The following ADK variants were observed in gnomAD, a reference collection of about 807,000 sequenced individuals.
ADK encodes the protein adenosine kinase.
ADK carries 24 observed loss-of-function variants against 44.7 expected under a neutral mutation model. The observed-to-expected ratio is 0.54, with a 90% CI of 0.39 to 0.76. The LOEUF (loss-of-function observed/expected upper bound fraction) is 0.76. Among genes scored for constraint, ADK ranks in the 30% least tolerant of loss-of-function variants. The probability of loss-of-function intolerance (pLI) is 0.00; values close to 1 mark genes in which losing one functional copy is unlikely to be tolerated. For missense variants in ADK, 321 were observed against 425.1 expected (o/e 0.76, Z 2.15); for synonymous variants, 128 against 142.6 (o/e 0.90, Z 0.73).
intron 6 of ADK, among the ~76,000 whole-genome samples, chr10:74,426,312 T>C (rs962099955): frequency 6.6e-6 from 1 of 152,164 alleles, no homozygotes; most frequent in Non-Finnish European, 1.5e-5. Context: ...TTTGTGAAGG[T>C]TATTCATGCA....
intron 3 of ADK, among the ~76,000 whole-genome samples, chr10:74,273,174 AG>A (rs200388593): frequency 0.035 from 5,037 of 142,122 alleles, 270 homozygotes; most frequent in African/African-American, 0.12. Context: ...GAGGACAGCC[AG>A]AAAAAAAAAA....
chr10:74,242,052 C>T (rs898293471), intron 3 of ADK, among the ~76,000 whole-genome samples: 1 of 152,256 alleles, frequency 6.6e-6, no homozygotes, highest in Non-Finnish European at 1.5e-5. Context: ...GTTTCTGTTG[C>T]TTTAAAGCCT....
rs538053019 is a variant in ADK at position 74,347,468 on chromosome 10, G to A, written c.273+32723G>A. Among the ~76,000 whole-genome samples the A allele has an allele frequency of 5.7e-4, 86 of 152,102 alleles. 1 individual carries two copies. The highest frequency in any genetic ancestry group is 1.5e-3 in the Admixed American group (23 of 15,266). Reference sequence around the variant, plus strand: ...TGTGCCTACACCACCAGGGCCTTGGGTTTCAAACACAAAACTGGGCGGCTG... The same window carrying A: ...TGTGCCTACACCACCAGGGCCTTGGATTTCAAACACAAAACTGGGCGGCTG... On this transcript the variant is annotated intron_variant, in intron 4 of 10. Transcript: ENST00000539909.
At chr10:74,535,028 A>G (rs1953073432) in intron 7 of ADK, among the ~76,000 whole-genome samples, 1 of 152,220 alleles carries the variant, frequency 6.6e-6, no homozygotes, top group African/African-American at 2.4e-5. Context: ...AACTAAATAC[A>G]TATGAGTTAT....
At chr10:74,553,191 T>TG (rs1850098697) in intron 7 of ADK, among the ~76,000 whole-genome samples, 3 of 41,914 alleles carry the variant, frequency 7.2e-5, no homozygotes, top group African/African-American at 3.1e-4. Flanking sequence ...GCACATTGTG[T>TG]TTTTTTTTTT....
chr10:74,177,923 TTATATA>T (rs1192890268), intron 1 of ADK, among the ~76,000 whole-genome samples: 23 of 130,302 alleles, frequency 1.8e-4, no homozygotes, highest in East Asian at 4.1e-4. Context: ...AATTGCATAA[TTATATA>T]TATATATATA....
chr10:74,302,096 T>TG lies in ADK; in HGVS notation c.195-12571_195-12570insG, dbSNP rs1432400154. Among the ~76,000 whole-genome samples, 239 of 61,940 alleles carry TG rather than the reference T, an allele frequency of 3.9e-3. 3 individuals carry two copies. Among genetic ancestry groups the TG allele is most frequent in the African/African-American group, 0.013 (224 of 17,784 alleles). The allele number at this position is 61,940 out of a possible 152,430, so 40.6% of individuals were successfully genotyped here. A position where few individuals can be genotyped will look rare whatever the true frequency, so the allele number is the denominator to read the frequency against. On this transcript the variant is annotated intron_variant, in intron 3 of 10. Coordinates refer to ENST00000539909, the MANE Select transcript of ADK (RefSeq NM_006721.4). Reference sequence around the variant, plus strand: ...TTGCTTTCTTTTCTTTTCTGTTTTTTTTTTGTTTGTTTGTTTTTTTTTTTT... The same window carrying TG: ...TTGCTTTCTTTTCTTTTCTGTTTTTTGTTTTGTTTGTTTGTTTTTTTTTTTT...
At chr10:74,380,400 G>A (rs367747811) in intron 4 of ADK, among the ~76,000 whole-genome samples, 4 of 152,004 alleles carry the variant, frequency 2.6e-5, no homozygotes, top group Admixed American at 1.3e-4. Context: ...TTTGATACTC[G>A]CTTCCCTTAA....
chr10:74,525,802 A>C (rs1416001850), intron 7 of ADK, among the ~76,000 whole-genome samples: 3 of 151,932 alleles, frequency 2.0e-5, no homozygotes, highest in African/African-American at 7.3e-5. Flanking sequence ...TTATAGGCGC[A>C]TGCCACCATG....
intron 7 of ADK, among the ~76,000 whole-genome samples, chr10:74,537,745 A>G (rs1849503499): frequency 6.6e-6 from 1 of 152,182 alleles, no homozygotes; most frequent in South Asian, 2.1e-4. Context: ...TTATCTCATG[A>G]TAATAACTGC....
intron 10 of ADK, among the ~76,000 whole-genome samples, chr10:74,680,661 A>G (rs1022435958): frequency 6.6e-6 from 1 of 152,234 alleles, no homozygotes; most frequent in Non-Finnish European, 1.5e-5. Flanking sequence ...ACTGTGGTAA[A>G]TAAGTCATCA....
At chr10:74,399,576 G>C (rs181415071) in intron 6 of ADK, among the ~76,000 whole-genome samples, 1 of 151,606 alleles carries the variant, frequency 6.6e-6, no homozygotes, top group Non-Finnish European at 1.5e-5. Context: ...TTTTCTGCCA[G>C]TATGTGAGAA....
intron 6 of ADK, among the ~76,000 whole-genome samples, chr10:74,472,624 G>C: frequency 6.6e-6 from 1 of 152,086 alleles, no homozygotes; most frequent in East Asian, 1.9e-4. Flanking sequence ...TTGTCGTCTG[G>C]TAGCTACTAG....
chr10:74,235,274 C>T (rs995516472), intron 3 of ADK, among the ~76,000 whole-genome samples: 1 of 151,806 alleles, frequency 6.6e-6, no homozygotes. Flanking sequence ...TAGCAAGATC[C>T]AGAAATTTAG....
intron 9 of ADK, among the ~76,000 whole-genome samples, chr10:74,669,185 A>AAT (rs1257187967): frequency 2.0e-5 from 3 of 152,178 alleles, no homozygotes; most frequent in Non-Finnish European, 4.4e-5. Context: ...AGCTAGACAG[A>AAT]ATATGCTTTT....
intron 3 of ADK, among the ~76,000 whole-genome samples, chr10:74,272,804 A>C (rs1191199171): frequency 6.6e-6 from 1 of 152,170 alleles, no homozygotes; most frequent in African/African-American, 2.4e-5. Context: ...ATTTACAAAG[A>C]AAGTTCAGTC....
At chr10:74,397,196 G>C (rs1843549047) in intron 5 of ADK, among the ~76,000 whole-genome samples, 1 of 151,738 alleles carries the variant, frequency 6.6e-6, no homozygotes. Flanking sequence ...ATATGTTGAT[G>C]CATATTACTC....
chr10:74,541,805 C>CCA (rs1491350769), intron 7 of ADK, among the ~76,000 whole-genome samples: 4 of 132,254 alleles, frequency 3.0e-5, no homozygotes, highest in African/African-American at 1.2e-4. Context: ...CCCCCCCCCC[C>CCA]TAAAAAAAAA....
At chr10:74,595,202 C>G (rs543741968) in intron 8 of ADK, among the ~76,000 whole-genome samples, 3 of 140,656 alleles carry the variant, frequency 2.1e-5, no homozygotes, top group African/African-American at 8.0e-5. Flanking sequence ...AAAAAAGGCT[C>G]TATGACTTTT....
Sources: allele counts gnomAD v4.1 joint callset (sites outside exome capture counted in the v4.1 genomes callset), GRCh38; gene constraint gnomAD v4.1.1; transcripts MANE v1.5; gene names NCBI Gene and HGNC (gene_info 2026-07-23, HGNC 2026-07-21).